The following CDK14 variants were observed in gnomAD, a reference collection of about 807,000 sequenced individuals.
CDK14 encodes cyclin dependent kinase 14, also known as cyclin-dependent kinase 14.
A neutral mutation model predicts 60.7 loss-of-function variants in CDK14; 34 were observed. The observed-to-expected ratio is 0.56, with a 90% CI of 0.43 to 0.75. The LOEUF (loss-of-function observed/expected upper bound fraction) is 0.75. CDK14 is among the 30% of genes least tolerant of loss of function. CDK14 has a pLI of 0.00. For missense variants in CDK14, 482 were observed against 564.1 expected (o/e 0.85, Z 1.47); for synonymous variants, 197 against 203.7 (o/e 0.97, Z 0.28).
intron 1 of CDK14, among the ~76,000 whole-genome samples, chr7:90,599,007 CTAAGG>C (rs1799259389): frequency 6.6e-6 from 1 of 152,134 alleles, no homozygotes; most frequent in Non-Finnish European, 1.5e-5. Flanking sequence ...CCCGGCCTAT[CTAAGG>C]ATTTTTAAGG....
intron 8 of CDK14, among the ~76,000 whole-genome samples, chr7:90,938,074 A>G (rs1035771852): frequency 6.6e-6 from 1 of 152,210 alleles, no homozygotes; most frequent in East Asian, 1.9e-4. Context: ...GTGTATTGCA[A>G]TTTGTATTAA....
chr7:90,717,843 T>C (rs1333750604), intron 2 of CDK14, among the ~76,000 whole-genome samples: 1 of 151,862 alleles, frequency 6.6e-6, no homozygotes, highest in Admixed American at 6.6e-5. Flanking sequence ...ACTAAAGAAA[T>C]AGAAGATATG....
intron 2 of CDK14, among the ~76,000 whole-genome samples, chr7:90,693,226 C>G (rs1039652015): frequency 2.0e-5 from 3 of 152,036 alleles, no homozygotes; most frequent in Admixed American, 2.0e-4. Context: ...AGATTGATGT[C>G]TAAAGGTCAT....
At chr7:91,049,844 CAT>C (rs1188390115) in intron 11 of CDK14, among the ~76,000 whole-genome samples, 15 of 151,960 alleles carry the variant, frequency 9.9e-5, no homozygotes, top group African/African-American at 2.4e-4. Flanking sequence ...CAGGGAGAGA[CAT>C]ATAGTAAGTG....
chr7:90,810,546 C>A (rs1052582365), intron 5 of CDK14, among the ~76,000 whole-genome samples: 12 of 152,194 alleles, frequency 7.9e-5, no homozygotes, highest in Admixed American at 3.9e-4. Flanking sequence ...GAAGCATTCC[C>A]TTTGAAAACT....
At chr7:91,094,749 G>A (rs543433224) in intron 12 of CDK14, among the ~76,000 whole-genome samples, 3 of 152,184 alleles carry the variant, frequency 2.0e-5, no homozygotes, top group East Asian at 1.9e-4. Context: ...AAATCTCAGC[G>A]ATCAAGATAA....
chr7:91,024,543 C>T (rs368485630), intron 10 of CDK14, among the ~76,000 whole-genome samples: 92 of 152,172 alleles, frequency 6.0e-4, no homozygotes, highest in African/African-American at 1.8e-3. Flanking sequence ...CCCAGCTACT[C>T]AGGAGGCTGA....
At position 90,866,493 on chromosome 7, in the gene CDK14, A is replaced by T. The variant is rs536382199; in HGVS notation, c.639+3224A>T. 9.9e-5 allele frequency among the ~76,000 whole-genome samples: 15 copies of T among 152,212 alleles called. No individual in the cohort carries two copies. The South Asian group carries it at 2.9e-3, about 29-fold the overall frequency. On this transcript the variant is annotated intron_variant, in intron 6 of 14. Transcript: ENST00000380050. ...AAAACCAATACCCCATGCCCATTAAAACCCTGGATATGACGGGAAAGTAAA... is the reference window on the plus strand; with the variant it reads ...AAAACCAATACCCCATGCCCATTAATACCCTGGATATGACGGGAAAGTAAA...
At chr7:90,635,768 A>G (rs1162919561) in intron 2 of CDK14, among the ~76,000 whole-genome samples, 2 of 152,148 alleles carry the variant, frequency 1.3e-5, no homozygotes, top group Non-Finnish European at 2.9e-5. Flanking sequence ...ATCCATGAGC[A>G]TGGAATATTC....
intron 14 of CDK14, among the ~76,000 whole-genome samples, chr7:91,136,663 C>T (rs1040829451): frequency 3.3e-5 from 5 of 152,032 alleles, no homozygotes; most frequent in South Asian, 2.1e-4. Flanking sequence ...AAAATATGTA[C>T]GTATTTACAT....
chr7:90,786,042 T>TG (rs952309267), intron 4 of CDK14, among the ~76,000 whole-genome samples: 6 of 152,202 alleles, frequency 3.9e-5, no homozygotes, highest in African/African-American at 1.4e-4. Context: ...CAGTTCTTCC[T>TG]GGTACGGCAC....
chr7:91,037,318 T>TAA (rs1796959732), intron 10 of CDK14, among the ~76,000 whole-genome samples: 1 of 151,884 alleles, frequency 6.6e-6, no homozygotes, highest in South Asian at 2.1e-4. Context: ...AAGTAACTGA[T>TAA]AAAAATCCTG....
chr7:90,846,742 T>G (rs1374866993), intron 5 of CDK14, among the ~76,000 whole-genome samples: 1 of 152,110 alleles, frequency 6.6e-6, no homozygotes, highest in Non-Finnish European at 1.5e-5. Context: ...ATCACTTCCC[T>G]CGGTTTTATG....
intron 8 of CDK14, among the ~76,000 whole-genome samples, chr7:90,940,653 G>A (rs1245714160): frequency 6.6e-6 from 1 of 151,996 alleles, no homozygotes; most frequent in Admixed American, 6.6e-5. Context: ...AGGTGTGGTA[G>A]CATGTGCCTG....
intron 14 of CDK14, among the ~76,000 whole-genome samples, chr7:91,164,546 G>C (rs1333497008): frequency 1.3e-5 from 2 of 152,174 alleles, no homozygotes; most frequent in Non-Finnish European, 2.9e-5. Context: ...ATGAAAGATG[G>C]CTCCTCCAGG....
At chr7:90,693,787 C>T (rs537693188) in intron 2 of CDK14, among the ~76,000 whole-genome samples, 1 of 152,248 alleles carries the variant, frequency 6.6e-6, no homozygotes, top group South Asian at 2.1e-4. Context: ...GATCCTGTTT[C>T]TAGATCCTCT....
chr7:90,611,813 A>G (rs1433245543), intron 2 of CDK14, among the ~76,000 whole-genome samples: 1 of 151,384 alleles, frequency 6.6e-6, no homozygotes, highest in Non-Finnish European at 1.5e-5. Flanking sequence ...GACTCTTATC[A>G]AACAGTTATC....
chr7:90,617,171 C>G (rs1799668638), intron 2 of CDK14, among the ~76,000 whole-genome samples: 1 of 151,796 alleles, frequency 6.6e-6, no homozygotes, highest in Admixed American at 6.6e-5. Context: ...AGTATCCTCT[C>G]CATGGGGGAA....
intron 3 of CDK14, among the ~76,000 whole-genome samples, chr7:90,733,955 C>T (rs547600974): frequency 6.6e-6 from 1 of 152,110 alleles, no homozygotes; most frequent in Admixed American, 6.6e-5. Context: ...ACTGGTTGTT[C>T]CTTTCCATGT....
Sources: allele counts gnomAD v4.1 joint callset (sites outside exome capture counted in the v4.1 genomes callset), GRCh38; gene constraint gnomAD v4.1.1; transcripts MANE v1.5; gene names NCBI Gene and HGNC (gene_info 2026-07-23, HGNC 2026-07-21).